STPG2: variants seen among roughly 807,000 people sequenced by gnomAD.
The protein encoded by STPG2 is sperm-tail PG-rich repeat-containing protein 2.
In STPG2, 56 loss-of-function variants were observed where a neutral mutation model predicts 54.2. That is an observed-to-expected ratio of 1.03 (90% CI 0.83 to 1.29). The LOEUF (loss-of-function observed/expected upper bound fraction) is 1.29, where lower values mean the gene tolerates loss of function less well. Among genes scored for constraint, STPG2 ranks in the 50% most tolerant of loss-of-function variants. The probability of loss-of-function intolerance (pLI) is 0.00; values close to 1 mark genes in which losing one functional copy is unlikely to be tolerated. For missense variants in STPG2, 596 were observed against 544.9 expected (o/e 1.09, Z -0.93); for synonymous variants, 200 against 181.8 (o/e 1.10, Z -0.81).
chr4:97,703,806 G>A (rs1723863260), intron 10 of STPG2, among the ~76,000 whole-genome samples: 1 of 148,182 alleles, frequency 6.7e-6, no homozygotes, highest in Admixed American at 6.9e-5. Flanking sequence ...GTGTGTGTGT[G>A]TGTGTGTATA....
At chr4:97,780,709 A>T (rs1172704444) in intron 9 of STPG2, among the ~76,000 whole-genome samples, 3 of 151,018 alleles carry the variant, frequency 2.0e-5, no homozygotes, top group African/African-American at 7.3e-5. Flanking sequence ...AATGTAAAAG[A>T]ACAGAAATTA....
At chr4:97,591,507 G>T (rs1733146137) in intron 10 of STPG2, among the ~76,000 whole-genome samples, 1 of 152,162 alleles carries the variant, frequency 6.6e-6, no homozygotes, top group Admixed American at 6.6e-5. Context: ...GCAGTTTGGA[G>T]AATTTTTGTA....
intron 4 of STPG2, among the ~76,000 whole-genome samples, chr4:97,502,744 T>A (rs1730753550): frequency 2.0e-5 from 3 of 150,592 alleles, no homozygotes; most frequent in South Asian, 2.1e-4. Flanking sequence ...ACAAAAAAAA[T>A]AATAGGAACA....
At chr4:98,130,623 T>A (rs1739959557) in intron 2 of STPG2, among the ~76,000 whole-genome samples, 1 of 151,144 alleles carries the variant, frequency 6.6e-6, no homozygotes, top group African/African-American at 2.4e-5. Flanking sequence ...TTGTGTGATG[T>A]CAAAACTTTC....
At chr4:97,503,576 G>A (rs1365703532) in intron 4 of STPG2, among the ~76,000 whole-genome samples, 1 of 151,112 alleles carries the variant, frequency 6.6e-6, no homozygotes, top group South Asian at 2.1e-4. Context: ...ATGAGCCACC[G>A]TGCCTGGCTA....
At chr4:97,450,687 AGATAGGCCTCAT>A (rs1431749542) in intron 4 of STPG2, among the ~76,000 whole-genome samples, 1 of 152,202 alleles carries the variant, frequency 6.6e-6, no homozygotes, top group African/African-American at 2.4e-5. Flanking sequence ...GCACGGAGCA[AGATAGGCCTCAT>A]GAGGGATAGT....
chr4:97,487,185 C>G (rs1730388095), intron 4 of STPG2, among the ~76,000 whole-genome samples: 1 of 150,120 alleles, frequency 6.7e-6, no homozygotes, highest in African/African-American at 2.4e-5. Flanking sequence ...CTGTCTATAC[C>G]CCAATAACCT....
intron 3 of STPG2, among the ~76,000 whole-genome samples, chr4:98,116,863 CA>C (rs902204094): frequency 6.6e-6 from 1 of 151,832 alleles, no homozygotes; most frequent in African/African-American, 2.4e-5. Flanking sequence ...TCTGGTTCTT[CA>C]AAAGTTTTAT....
At chr4:97,661,047 A>T (rs1722361694) in intron 10 of STPG2, among the ~76,000 whole-genome samples, 1 of 151,634 alleles carries the variant, frequency 6.6e-6, no homozygotes, top group Non-Finnish European at 1.5e-5. Flanking sequence ...ATATAAAAAA[A>T]TAAGTTTCCA....
chr4:97,925,939 T>C (rs1177017283), intron 8 of STPG2, among the ~76,000 whole-genome samples: 2 of 152,184 alleles, frequency 1.3e-5, no homozygotes, highest in Non-Finnish European at 2.9e-5. Context: ...CAAGGCTTAA[T>C]GACGGTGGCA....
chr4:97,716,342 T>A (rs1302512144), intron 9 of STPG2, among the ~76,000 whole-genome samples: 1 of 152,094 alleles, frequency 6.6e-6, no homozygotes, highest in Non-Finnish European at 1.5e-5. Context: ...GCAATCCCAT[T>A]ACTGAGTATA....
chr4:97,701,193 G>C (rs778492171), intron 10 of STPG2, among the ~76,000 whole-genome samples: 9 of 152,076 alleles, frequency 5.9e-5, no homozygotes, highest in Non-Finnish European at 1.3e-4. Flanking sequence ...TACCATTCAG[G>C]GAGCCAATGT....
intron 8 of STPG2, among the ~76,000 whole-genome samples, chr4:97,859,960 G>A (rs907401526): frequency 5.9e-5 from 9 of 152,138 alleles, no homozygotes; most frequent in African/African-American, 2.2e-4. Context: ...CAATTATTCT[G>A]GCATCATTTG....
chr4:97,736,421 G>C (rs946136044), intron 9 of STPG2, among the ~76,000 whole-genome samples: 1 of 152,208 alleles, frequency 6.6e-6, no homozygotes, highest in African/African-American at 2.4e-5. Flanking sequence ...CCTCACTCAG[G>C]AAGCACAAGG....
At chr4:97,665,430 T>G (rs1217539431) in intron 10 of STPG2, among the ~76,000 whole-genome samples, 1 of 152,108 alleles carries the variant, frequency 6.6e-6, no homozygotes, top group Non-Finnish European at 1.5e-5. Context: ...TGTTCAGCTC[T>G]CAGCAGAGAG....
At chr4:98,066,376 G>A (rs1031990046) in intron 5 of STPG2, among the ~76,000 whole-genome samples, 12 of 152,242 alleles carry the variant, frequency 7.9e-5, no homozygotes, top group African/African-American at 2.9e-4. Flanking sequence ...ATCACCCAAG[G>A]TCAGGAGTTT....
intron 8 of STPG2, among the ~76,000 whole-genome samples, chr4:97,882,756 C>G (rs144548006): frequency 3.9e-5 from 6 of 152,172 alleles, no homozygotes; most frequent in African/African-American, 1.4e-4. Context: ...ATTCCAGCAA[C>G]AACAAGCCAA....
intron 9 of STPG2, among the ~76,000 whole-genome samples, chr4:97,729,063 T>TTCTC (rs57186071): frequency 0.03 from 3,697 of 124,870 alleles, 130 homozygotes; most frequent in African/African-American, 0.041. Flanking sequence ...CCCCAAGAAT[T>TTCTC]TCTCTCTCTC....
At chr4:97,531,350 G>A (rs1731409972) in intron 4 of STPG2, among the ~76,000 whole-genome samples, 1 of 152,136 alleles carries the variant, frequency 6.6e-6, no homozygotes, top group African/African-American at 2.4e-5. Context: ...TAATCTCACT[G>A]CTGTGTATAT....
Sources: allele counts gnomAD v4.1 joint callset (sites outside exome capture counted in the v4.1 genomes callset), GRCh38; gene constraint gnomAD v4.1.1; transcripts MANE v1.5; gene names NCBI Gene and HGNC (gene_info 2026-07-23, HGNC 2026-07-21).